The following DENND4A variants were observed in gnomAD, a reference collection of about 807,000 sequenced individuals.
DENND4A encodes C-myc promoter-binding protein.
Under a neutral mutation model 199.3 loss-of-function variants are expected in DENND4A, and 70 were observed. The observed-to-expected ratio is 0.35, with a 90% CI of 0.29 to 0.43. DENND4A has a LOEUF of 0.43. Among genes scored for constraint, DENND4A ranks in the 20% least tolerant of loss-of-function variants. The probability of loss-of-function intolerance (pLI) is 1.00; values close to 1 mark genes in which losing one functional copy is unlikely to be tolerated. For missense variants in DENND4A, 1,723 were observed against 2,255.8 expected, an observed-to-expected ratio of 0.76 and a Z score of 4.78; for synonymous variants, 686 against 766.9, an observed-to-expected ratio of 0.89 and a Z score of 1.74.
chr15:65,763,991 T>C (rs1440247139), intron 1 of DENND4A, among the ~76,000 whole-genome samples: 3 of 152,238 alleles, frequency 2.0e-5, no homozygotes, highest in Non-Finnish European at 4.4e-5. Context: ...CAAAAATTTC[T>C]AGTAAAAATA....
intron 1 of DENND4A, among the ~76,000 whole-genome samples, chr15:65,762,756 T>C (rs918327464): frequency 6.6e-6 from 1 of 152,234 alleles, no homozygotes. Context: ...ATTTAAAGTA[T>C]ACAGGAGGAT....
Position 65,752,498 on chromosome 15 carries a change from A to G in DENND4A, c.442T>C (p.Ser148Pro). The change falls in exon 4 of 33, where the codon TCT becomes CCT. Residue 148 changes from serine to proline, a missense_variant. Physicochemically the swap from Ser to Pro is moderately conservative, Grantham distance 74. This residue lies in a region of DENND4A where 725 missense variants were observed against 952.9 expected (regional missense o/e 0.76). Transcript: ENST00000443035. The stretch of plus-strand genomic sequence containing the variant: ...AACGTATTCTGAGTCATGTTTTCAG[A>G]GGCTCTTCGGTAAGTGATATAAATT... ...QRIYITYRRA[S>P]ENMTQNTLAV... is the part of the protein sequence containing the mutation. 1.2e-6 allele frequency: 2 copies of G among 1,613,696 alleles called. No homozygotes were observed. Among genetic ancestry groups the G allele is most frequent in the South Asian group, 1.1e-5 (1 of 91,070 alleles).
In DENND4A at chr15:65,752,740, A is replaced by G. The variant is rs1596607430; in HGVS notation, c.312-112T>C. The stretch of plus-strand genomic sequence containing the variant: ...TGTAGTAGCATGGTAAAAATATTCC[A>G]ATCTTACTGCAATTTTAAAATGCAC... On this transcript the variant is annotated intron_variant, in intron 3 of 32. Coordinates refer to ENST00000443035, the MANE Select transcript of DENND4A (RefSeq NM_001320835.1). The G allele has an allele frequency of 7.4e-6, 5 of 680,192 alleles. No homozygotes were observed. In the East Asian group the frequency reaches 1.2e-4, roughly 16 times the overall value. 42.1% of individuals were successfully genotyped at this position (680,192 alleles called of 1,614,324 possible).
At chr15:65,662,132 C>G (rs2075862753) in intron 32 of DENND4A, 145 bp from the exon 33 acceptor site, 4 of 685,920 alleles carry the variant, frequency 5.8e-6, no homozygotes, top group African/African-American at 1.8e-5. Flanking sequence ...AGGACCACAG[C>G]TGGATTGCAC....
chr15:65,699,458 A>G (rs1229118360), intron 20 of DENND4A, among the ~76,000 whole-genome samples: 1 of 151,824 alleles, frequency 6.6e-6, no homozygotes, highest in Non-Finnish European at 1.5e-5. Context: ...CTGATATACG[A>G]ACTTATACTT....
chr15:65,682,164 C>T (rs572148925), intron 23 of DENND4A, among the ~76,000 whole-genome samples: 1 of 152,306 alleles, frequency 6.6e-6, no homozygotes, highest in African/African-American at 2.4e-5. Flanking sequence ...CCTTTGAAGC[C>T]TGGACGCCGG....
At position 65,690,855 on chromosome 15, in the gene DENND4A, C is replaced by T. The variant is rs1323969656; in HGVS notation, c.3739G>A (p.Asp1247Asn). 1.2e-6 allele frequency: 2 copies of T among 1,612,470 alleles called. No homozygotes were observed. The highest frequency in any genetic ancestry group is 1.7e-5 in the Admixed American group (1 of 59,768). The change falls in exon 23 of 33, where the codon GAT becomes AAT. Residue 1247 changes from aspartate (D) to asparagine (N), a missense_variant. Coordinates refer to ENST00000443035, the MANE Select transcript of DENND4A (RefSeq NM_001320835.1). ...TACATCACAATTTCTTCAGCTAAAT[C>T]ACGCCTAGCAGATGGTGTTGAAATG... ...KSISTPSARR[D>N]LAEEIVMYMN...
chr15:65,692,650 T>C (rs754446768), intron 22 of DENND4A, among the ~76,000 whole-genome samples: 69 of 152,232 alleles, frequency 4.5e-4, no homozygotes, highest in Non-Finnish European at 8.1e-4. Flanking sequence ...AAATGACATA[T>C]CAGAGAGGCA....
intron 22 of DENND4A, among the ~76,000 whole-genome samples, chr15:65,693,674 C>A (rs1052117727): frequency 4.6e-5 from 7 of 151,714 alleles, no homozygotes; most frequent in South Asian, 2.1e-4. Context: ...AATTTAAGCT[C>A]AAAAATGATA....
chr15:65,746,646 A>G (rs1437813418), intron 4 of DENND4A, among the ~76,000 whole-genome samples: 1 of 151,440 alleles, frequency 6.6e-6, no homozygotes, highest in Non-Finnish European at 1.5e-5. Flanking sequence ...TCAGCCTCCC[A>G]AAGTGTTGGG....
intron 12 of DENND4A, among the ~76,000 whole-genome samples, chr15:65,719,888 C>T (rs1165485774): frequency 6.6e-6 from 1 of 151,912 alleles, no homozygotes; most frequent in East Asian, 1.9e-4. Context: ...CAGTGAGACA[C>T]CCTGTCTCAA....
intron 1 of DENND4A, among the ~76,000 whole-genome samples, chr15:65,782,751 G>T (rs2077465159): frequency 6.6e-6 from 1 of 152,092 alleles, no homozygotes; most frequent in African/African-American, 2.4e-5. Context: ...GTTACCACAA[G>T]AATACAGGTA....
rs186836490 is a variant in DENND4A at position 65,667,748 on chromosome 15, C to T, written c.4987-45G>A. The T allele has an allele frequency of 2.4e-4, 372 of 1,564,394 alleles. 2 individuals are homozygous for T. In the African/African-American group the frequency reaches 5.0e-3, roughly 21 times the overall value. ...CATAAATGGCAAATGCAAAATAATA[C>T]TAAGCCATTAAAAAATTCAATGATT... is the stretch of plus-strand genomic sequence containing the variant. On this transcript the variant is annotated intron_variant, in intron 28 of 32. Coordinates refer to ENST00000443035, the MANE Select transcript of DENND4A (RefSeq NM_001320835.1).
intron 1 of DENND4A, among the ~76,000 whole-genome samples, chr15:65,779,794 C>T (rs527977417): frequency 9.5e-4 from 144 of 152,306 alleles, no homozygotes; most frequent in Non-Finnish European, 1.6e-3. Flanking sequence ...GGATTACAGG[C>T]ATATACCACC....
rs763703053 is a variant in DENND4A, at chr15:65,691,226, G to A, written c.3368C>T (p.Thr1123Ile). Residue 1123 changes from threonine (T) to isoleucine (I), a missense_variant, in exon 23 of 33, where the codon ACT becomes ATT. Coordinates refer to ENST00000443035, the MANE Select transcript of DENND4A (RefSeq NM_001320835.1). ...NVISKSTRPN[T>I]LDIGKPPLRS... ...TAAAGGTGGCTTCCCAATATCAAGAGTATTTGGTCTCGTGCTTTTTGAGAT... is the reference window on the plus strand; with the variant it reads ...TAAAGGTGGCTTCCCAATATCAAGAATATTTGGTCTCGTGCTTTTTGAGAT... 1.9e-6 allele frequency: 3 copies of A among 1,613,352 alleles called. No individual in the cohort carries two copies. Among genetic ancestry groups the A allele is most frequent in the Non-Finnish European group, 1.7e-6 (2 of 1,179,654 alleles).
intron 1 of DENND4A, among the ~76,000 whole-genome samples, chr15:65,785,165 A>AT (rs1567111042): frequency 1.3e-5 from 2 of 150,816 alleles, no homozygotes; most frequent in Admixed American, 6.6e-5. Flanking sequence ...AGTGGTAAAT[A>AT]TTTTTTTTGT....
In DENND4A at chr15:65,660,488, A is replaced by G. The variant is rs2075817626; in HGVS notation, c.*1363T>C. 3.7e-6 allele frequency: 2 copies of G among 539,582 alleles called. No homozygotes were observed. Among genetic ancestry groups the G allele is most frequent in the East Asian group, 5.8e-5 (2 of 34,326 alleles). 33.4% of individuals were successfully genotyped at this position (539,582 alleles called of 1,614,324 possible). ...AGCTGGCTAGGGAATTCCTTCACTA[A>G]TGATAATGTGTGCAAACACACACAC... On this transcript the variant is annotated 3_prime_UTR_variant, in exon 33 of 33. Transcript: ENST00000443035.
At chr15:65,711,578 A>G (rs545967509) in intron 14 of DENND4A, among the ~76,000 whole-genome samples, 6 of 152,306 alleles carry the variant, frequency 3.9e-5, no homozygotes, top group African/African-American at 1.4e-4. Flanking sequence ...GGGTTCCACA[A>G]GTCTGTTTGT....
At chr15:65,694,222 G>C (rs903324288) in intron 22 of DENND4A, among the ~76,000 whole-genome samples, 1 of 152,210 alleles carries the variant, frequency 6.6e-6, no homozygotes, top group Non-Finnish European at 1.5e-5. Flanking sequence ...GCCAAGGCAG[G>C]TAGATTGCCT....
Sources: allele counts gnomAD v4.1 joint callset (sites outside exome capture counted in the v4.1 genomes callset), GRCh38; gene constraint gnomAD v4.1.1; regional missense constraint gnomAD v4.1.1; transcripts MANE v1.5; gene names NCBI Gene and HGNC (gene_info 2026-07-23, HGNC 2026-07-21).